KCNH7: variants seen among roughly 807,000 people sequenced by gnomAD.
KCNH7 encodes the protein potassium voltage-gated channel subfamily H member 7, also known as voltage-gated inwardly rectifying potassium channel KCNH7.
KCNH7 carries 49 observed loss-of-function variants against 120.8 expected under a neutral mutation model. That is an observed-to-expected ratio of 0.41 (90% confidence interval 0.32 to 0.51). KCNH7 has a LOEUF of 0.51. Ranked by LOEUF, KCNH7 falls within the 20% of genes least tolerant of loss-of-function variation. The pLI, the probability that KCNH7 is intolerant of heterozygous loss-of-function variation, is 0.38. For missense variants in KCNH7, 1,097 were observed against 1,446.6 expected, an observed-to-expected ratio of 0.76 and a Z score of 3.92; for synonymous variants, 547 against 516.1, an observed-to-expected ratio of 1.06 and a Z score of -0.81.
chr2:162,671,467 T>A (rs1685354199), intron 2 of KCNH7, among the ~76,000 whole-genome samples: 1 of 151,090 alleles, frequency 6.6e-6, no homozygotes, highest in African/African-American at 2.4e-5. Flanking sequence ...AAACACAAAG[T>A]CAAAAGCTGC....
chr2:162,716,503 T>G (rs1687129494), intron 2 of KCNH7, among the ~76,000 whole-genome samples: 1 of 152,206 alleles, frequency 6.6e-6, no homozygotes. Flanking sequence ...CTTTCATCTC[T>G]GTTTCCTAGA....
At chr2:162,409,531 G>A (rs926509206) in intron 9 of KCNH7, among the ~76,000 whole-genome samples, 6 of 151,662 alleles carry the variant, frequency 4.0e-5, no homozygotes, top group Admixed American at 6.6e-5. Context: ...CTAAACAATT[G>A]ACTAACCAAT....
rs879665880 is a variant in KCNH7, at chr2:162,549,849, T to TATTA, written c.308-12770_308-12769insTAAT. On this transcript the variant is annotated intron_variant, in intron 2 of 15. Coordinates refer to ENST00000332142, the MANE Select transcript of KCNH7 (RefSeq NM_033272.4). The stretch of plus-strand genomic sequence containing the variant: ...CTTATAAGAACAAGGACTGAGCTAA[T>TATTA]ATTTTGTCATCTTGTAACATCACTA... Among the ~76,000 whole-genome samples, 471 of 152,328 alleles carry TATTA rather than the reference T, an allele frequency of 3.1e-3. 6 individuals are homozygous for TATTA. The highest frequency in any genetic ancestry group is 0.026 in the Admixed American group (401 of 15,308).
intron 2 of KCNH7, among the ~76,000 whole-genome samples, chr2:162,781,375 T>C (rs1295009618): frequency 1.3e-5 from 2 of 152,096 alleles, no homozygotes; most frequent in African/African-American, 4.8e-5. Context: ...AGAGACTGAA[T>C]TCTTCAGGTT....
At chr2:162,739,872 A>G (rs1469542895) in intron 2 of KCNH7, among the ~76,000 whole-genome samples, 1 of 151,702 alleles carries the variant, frequency 6.6e-6, no homozygotes, top group Non-Finnish European at 1.5e-5. Flanking sequence ...TTAGGATGGC[A>G]GTACATGAAT....
rs1026299726 is a variant in KCNH7, at chr2:162,551,688, G to C, written c.308-14608C>G. Among the ~76,000 whole-genome samples, 5 of 152,136 alleles carry C rather than the reference G, an allele frequency of 3.3e-5. No individual in the cohort carries two copies. The East Asian group carries it at 9.7e-4, about 29-fold the overall frequency. The stretch of plus-strand genomic sequence containing the variant: ...GCTATATAAGCAGAATGTATTGCAC[G>C]TATTGGACAAAAATATTACAAATAA... On this transcript the variant is annotated intron_variant, in intron 2 of 15. Transcript: ENST00000332142.
At chr2:162,376,730 A>G (rs1686205554) in intron 14 of KCNH7, among the ~76,000 whole-genome samples, 1 of 152,108 alleles carries the variant, frequency 6.6e-6, no homozygotes, top group Non-Finnish European at 1.5e-5. Context: ...AATCTCTGTC[A>G]ACTAGACCTA....
chr2:162,406,993 G>A (rs1687246713), intron 9 of KCNH7, among the ~76,000 whole-genome samples: 1 of 151,916 alleles, frequency 6.6e-6, no homozygotes, highest in African/African-American at 2.4e-5. Context: ...TTACAAATAT[G>A]TATTGTCTAG....
chr2:162,538,372 T>A (rs1335157812), intron 2 of KCNH7, among the ~76,000 whole-genome samples: 1 of 152,064 alleles, frequency 6.6e-6, no homozygotes, highest in Admixed American at 6.5e-5. Context: ...GACTGCTTTT[T>A]TTCACAACTA....
intron 6 of KCNH7, among the ~76,000 whole-genome samples, chr2:162,450,870 A>C (rs1323335877): frequency 1.3e-5 from 2 of 152,008 alleles, no homozygotes; most frequent in Non-Finnish European, 2.9e-5. Context: ...AAGTAATGGA[A>C]GCCTACACTA....
Position 162,796,935 on chromosome 2 carries a change from T to A in KCNH7, c.307+39602A>T, listed in dbSNP as rs376281274. On this transcript the variant is annotated intron_variant, in intron 2 of 15. Coordinates refer to ENST00000332142, the MANE Select transcript of KCNH7 (RefSeq NM_033272.4). Reference sequence around the variant, plus strand: ...ATCTCCTGTTCTGATCTGGCACAGTTCCAATTATATGGATAACCTTCCATT... The same window carrying A: ...ATCTCCTGTTCTGATCTGGCACAGTACCAATTATATGGATAACCTTCCATT... 20 of 152,162 alleles carry A rather than the reference T, an allele frequency of 1.3e-4. No homozygotes were observed. The East Asian group carries it at 3.7e-3, about 28-fold the overall frequency. The allele number at this position is 152,162 out of a possible 1,614,324, so 9.4% of individuals were successfully genotyped here. A position where few individuals can be genotyped will look rare whatever the true frequency, so the allele number is the denominator to read the frequency against.
At chr2:162,572,818 A>G (rs12381154) in intron 2 of KCNH7, among the ~76,000 whole-genome samples, 2 of 150,530 alleles carry the variant, frequency 1.3e-5, no homozygotes, top group African/African-American at 4.9e-5. Flanking sequence ...AACACCGCAT[A>G]TTCTCACTCA....
At chr2:162,617,639 C>T (rs1238884220) in intron 2 of KCNH7, among the ~76,000 whole-genome samples, 1 of 152,042 alleles carries the variant, frequency 6.6e-6, no homozygotes, top group Admixed American at 6.5e-5. Flanking sequence ...TTCTGGAGAC[C>T]ATGGTTGCTT....
At chr2:162,786,817 T>G (rs2105507962) in intron 2 of KCNH7, among the ~76,000 whole-genome samples, 1 of 152,246 alleles carries the variant, frequency 6.6e-6, no homozygotes, top group South Asian at 2.1e-4. Context: ...GGAGTTTCCC[T>G]TCACAAAAAT....
chr2:162,546,664 G>A (rs1393578684), intron 2 of KCNH7, among the ~76,000 whole-genome samples: 3 of 152,222 alleles, frequency 2.0e-5, no homozygotes, highest in Non-Finnish European at 2.9e-5. Flanking sequence ...CATACATTGT[G>A]CTCTATGTTT....
At chr2:162,767,495 A>G (rs971889833) in intron 2 of KCNH7, among the ~76,000 whole-genome samples, 2 of 152,038 alleles carry the variant, frequency 1.3e-5, no homozygotes, top group Non-Finnish European at 2.9e-5. Context: ...CCATAGTTTT[A>G]CTGCTATTGG....
intron 2 of KCNH7, among the ~76,000 whole-genome samples, chr2:162,728,802 T>C (rs10153806): frequency 0.14 from 20,945 of 152,010 alleles, 1,628 homozygotes; most frequent in East Asian, 0.35. Context: ...ACAAAAAACT[T>C]TGATGAAGCC....
intron 6 of KCNH7, among the ~76,000 whole-genome samples, chr2:162,467,018 T>C (rs1689332375): frequency 6.6e-6 from 1 of 152,204 alleles, no homozygotes; most frequent in Non-Finnish European, 1.5e-5. Flanking sequence ...TAATTCTGTT[T>C]GACTTCAGGA....
chr2:162,831,399 G>A (rs796793211), intron 2 of KCNH7, among the ~76,000 whole-genome samples: 101 of 152,204 alleles, frequency 6.6e-4, no homozygotes, highest in African/African-American at 2.1e-3. Flanking sequence ...AGACCACTTC[G>A]AATATCTCTC....
Sources: gnomAD v4.1 joint callset for allele counts (sites outside exome capture counted in the v4.1 genomes callset) on GRCh38, gnomAD v4.1.1 for gene constraint, MANE v1.5 for transcripts, NCBI Gene and HGNC (gene_info 2026-07-23, HGNC 2026-07-21) for gene names.